PKNOX2: variants seen among roughly 807,000 people sequenced by gnomAD.
PKNOX2 encodes PBX/knotted 1 homeobox 2.
A neutral mutation model predicts 53.1 loss-of-function variants in PKNOX2; 14 were observed. The observed-to-expected ratio is 0.26, with a 90% CI of 0.17 to 0.41. PKNOX2 has a LOEUF of 0.41. PKNOX2 is among the 10% of genes least tolerant of loss of function. The pLI is 1.00. For synonymous variants in PKNOX2, 257 were observed against 242.8 expected (o/e 1.06, Z -0.54); for missense variants, 496 against 602.8 (o/e 0.82, Z 1.85).
At chr11:125,385,783 A>ATGCC in intron 6 of PKNOX2, 61 bp downstream of exon 6, 1 of 1,552,228 alleles carries the variant, frequency 6.4e-7, no homozygotes, top group Non-Finnish European at 8.7e-7. Flanking sequence ...CCCCTTCAAA[A>ATGCC]TGCCCTAGAA....
At chr11:125,259,926 G>C (rs565890705) in intron 2 of PKNOX2, among the ~76,000 whole-genome samples, 20 of 150,930 alleles carry the variant, frequency 1.3e-4, no homozygotes, top group African/African-American at 4.9e-4. Flanking sequence ...GCCCAATCTG[G>C]AGTGCAGTGG....
At chr11:125,361,399 G>A (rs1024120460) in intron 4 of PKNOX2, among the ~76,000 whole-genome samples, 2 of 152,088 alleles carry the variant, frequency 1.3e-5, no homozygotes, top group Non-Finnish European at 2.9e-5. Context: ...GAAGCACCTC[G>A]CCTATTTTTC....
At chr11:125,343,789 C>T (rs1029764536) in intron 3 of PKNOX2, among the ~76,000 whole-genome samples, 3 of 151,778 alleles carry the variant, frequency 2.0e-5, no homozygotes, top group African/African-American at 4.8e-5. Flanking sequence ...ACGAAGAGGG[C>T]GCGGGAGCAG....
chr11:125,202,055 G>A (rs1938504632), intron 1 of PKNOX2, among the ~76,000 whole-genome samples: 1 of 152,216 alleles, frequency 6.6e-6, no homozygotes, highest in Admixed American at 6.5e-5. Context: ...AACACAGAGG[G>A]TCCGTGCGGC....
chr11:125,315,739 A>G (rs1278376466), intron 2 of PKNOX2, among the ~76,000 whole-genome samples: 1 of 152,134 alleles, frequency 6.6e-6, no homozygotes, highest in East Asian at 1.9e-4. Context: ...GCTGGGCTAG[A>G]AAAGCCTTAG....
intron 1 of PKNOX2, among the ~76,000 whole-genome samples, chr11:125,199,929 G>A (rs930361191): frequency 6.6e-6 from 1 of 152,212 alleles, no homozygotes; most frequent in Non-Finnish European, 1.5e-5. Flanking sequence ...CGAGACAGGA[G>A]CAACATCCAC....
chr11:125,266,939 T>C (rs904723735), intron 2 of PKNOX2: 1 of 152,252 alleles, frequency 6.6e-6, no homozygotes, highest in African/African-American at 2.4e-5. Context: ...GCCTTAGGAA[T>C]GTGCCTTCGG....
At chr11:125,277,847 T>G (rs998521648) in intron 2 of PKNOX2, among the ~76,000 whole-genome samples, 4 of 152,202 alleles carry the variant, frequency 2.6e-5, no homozygotes, top group Admixed American at 2.0e-4. Context: ...TTTGATCATT[T>G]CACATTGTGT....
chr11:125,210,031 G>A (rs1040462308), intron 1 of PKNOX2, among the ~76,000 whole-genome samples: 1 of 152,072 alleles, frequency 6.6e-6, no homozygotes, highest in Non-Finnish European at 1.5e-5. Flanking sequence ...GGGGTGTGGG[G>A]GACTGAGCCC....
At chr11:125,382,192 C>T (rs1182082233) in intron 5 of PKNOX2, among the ~76,000 whole-genome samples, 3 of 152,252 alleles carry the variant, frequency 2.0e-5, no homozygotes, top group Admixed American at 1.3e-4. Flanking sequence ...CATACACTAC[C>T]CATCTGTGCT....
At chr11:125,241,518 C>A (rs1370320645) in intron 2 of PKNOX2, among the ~76,000 whole-genome samples, 1 of 152,202 alleles carries the variant, frequency 6.6e-6, no homozygotes, top group Non-Finnish European at 1.5e-5. Context: ...ATCCCAATAC[C>A]TTGAATCGTT....
chr11:125,252,859 C>G (rs1466217620), intron 2 of PKNOX2, among the ~76,000 whole-genome samples: 2 of 152,142 alleles, frequency 1.3e-5, no homozygotes, highest in Admixed American at 1.3e-4. Flanking sequence ...GGGTCATAGA[C>G]AGCTGCATCT....
intron 4 of PKNOX2, among the ~76,000 whole-genome samples, chr11:125,354,381 G>A (rs1010097445): frequency 6.6e-6 from 1 of 152,108 alleles, no homozygotes; most frequent in African/African-American, 2.4e-5. Context: ...TGTGGACCAC[G>A]TATGACTTGT....
intron 1 of PKNOX2, among the ~76,000 whole-genome samples, chr11:125,182,206 C>T (rs1956193284): frequency 6.6e-6 from 1 of 152,198 alleles, no homozygotes; most frequent in South Asian, 2.1e-4. Flanking sequence ...CACTGAAAGT[C>T]TGTTTCTGTG....
At chr11:125,318,572 A>C (rs187519143) in intron 2 of PKNOX2, among the ~76,000 whole-genome samples, 1 of 152,328 alleles carries the variant, frequency 6.6e-6, no homozygotes, top group African/African-American at 2.4e-5. Context: ...CCACGTCAGC[A>C]ATAAGACTGT....
At chr11:125,377,854 G>A (rs1007772951) in intron 5 of PKNOX2, among the ~76,000 whole-genome samples, 3 of 152,238 alleles carry the variant, frequency 2.0e-5, no homozygotes, top group African/African-American at 7.2e-5. Context: ...ATTTAAAGCC[G>A]TTCTAGGCTC....
At chr11:125,325,602 G>A (rs1565497462) in intron 2 of PKNOX2, among the ~76,000 whole-genome samples, 1 of 152,320 alleles carries the variant, frequency 6.6e-6, no homozygotes, top group East Asian at 1.9e-4. Context: ...AATGACAATA[G>A]TCATCATTTA....
Position 125,431,329 on chromosome 11 carries a change from C to T in PKNOX2, c.1356C>T (p.Val452=), listed in dbSNP as rs777790707. The change falls in exon 13 of 13, where the codon GTC becomes GTT. Residue 452 remains valine, a synonymous_variant. Transcript: ENST00000298282. ...AGGAGGAGGAGCTGGAGGAGGAGGT[C>T]GACGAGCTGCAGACGACAAATGTCA... ...EEEEEELEEE[V]DELQTTNVSD... 6.2e-6 allele frequency: 10 copies of T among 1,613,538 alleles called. No individual in the cohort carries two copies. The East Asian group carries it at 8.9e-5, about 14-fold the overall frequency.
At chr11:125,293,811 A>G (rs113503547) in intron 2 of PKNOX2, among the ~76,000 whole-genome samples, 14 of 136,350 alleles carry the variant, frequency 1.0e-4, no homozygotes, top group African/African-American at 5.0e-4. Flanking sequence ...GCTCACACAC[A>G]CTCACACACA....
Sources: allele counts gnomAD v4.1 joint callset (sites outside exome capture counted in the v4.1 genomes callset), GRCh38; gene constraint gnomAD v4.1.1; transcripts MANE v1.5; gene names NCBI Gene and HGNC (gene_info 2026-07-23, HGNC 2026-07-21).